RHOA: variants seen among roughly 807,000 people sequenced by gnomAD.
RHOA encodes the protein ras homolog family member A.
Under a neutral mutation model 17.5 loss-of-function variants are expected in RHOA, and 3 were observed. That is an observed-to-expected ratio of 0.17 (90% CI 0.08 to 0.44). RHOA has a LOEUF of 0.44. Ranked by LOEUF, RHOA falls within the 20% of genes least tolerant of loss-of-function variation. The probability of loss-of-function intolerance (pLI) is 0.99; values close to 1 mark genes in which losing one functional copy is unlikely to be tolerated. For missense variants in RHOA, 56 were observed against 242.3 expected (o/e 0.23, Z 5.10); for synonymous variants, 98 against 88.4 (o/e 1.11, Z -0.61).
intron 1 of RHOA, among the ~76,000 whole-genome samples, chr3:49,385,264 A>T (rs2048378333): frequency 7.1e-6 from 1 of 140,348 alleles, no homozygotes; most frequent in African/African-American, 2.7e-5. Flanking sequence ...TCTGTCGCCC[A>T]GGCTGGAGTG....
At position 49,384,084 on chromosome 3, in the gene RHOA, G is replaced by A. The variant is rs1201145946; in HGVS notation, c.-2-8493C>T. ...TATCTGATAAAGAACATTTGGCCCA[G>A]AAAAAGAATAAAATCATTTAGCCAC... On this transcript the variant is annotated intron_variant, in intron 1 of 4. Transcript: ENST00000418115. 2.0e-5 allele frequency among the ~76,000 whole-genome samples: 3 copies of A among 152,044 alleles called. No homozygotes were observed. The East Asian group carries it at 5.8e-4, about 29-fold the overall frequency.
intron 2 of RHOA, 121 bp downstream of exon 2, chr3:49,375,310 ATTC>A: frequency 2.2e-6 from 2 of 889,302 alleles, no homozygotes; most frequent in African/African-American, 1.7e-5. Flanking sequence ...ATGAGAATGG[ATTC>A]TTCTTTCCAA....
At chr3:49,381,739 C>G (rs1012896812) in intron 1 of RHOA, among the ~76,000 whole-genome samples, 1 of 151,306 alleles carries the variant, frequency 6.6e-6, no homozygotes, top group Non-Finnish European at 1.5e-5. Context: ...GTGGTCCGCA[C>G]CTGTAATCTC....
rs1238257769 is a variant in RHOA at position 49,371,106 on chromosome 3, C to A, written c.157-2558G>T. ...GCAAATCCCACTCTCCCGGCCCCCT[C>A]CACCCCACGGTGTTTAGTCATATAT... On this transcript the variant is annotated intron_variant, in intron 2 of 4. Transcript: ENST00000418115. Among the ~76,000 whole-genome samples the A allele has an allele frequency of 3.3e-5, 5 of 152,248 alleles. No homozygotes were observed. In the East Asian group the frequency reaches 9.6e-4, roughly 29 times the overall value.
At chr3:49,360,847 G>A in intron 4 of RHOA, 1 of 241,294 alleles carries the variant, frequency 4.1e-6, no homozygotes, top group Non-Finnish European at 8.6e-6. Flanking sequence ...AGGCTGAGCT[G>A]GGCGGATCAC....
intron 4 of RHOA, among the ~76,000 whole-genome samples, chr3:49,361,877 CAAAAAA>C (rs948441167): frequency 1.4e-5 from 2 of 145,312 alleles, no homozygotes; most frequent in African/African-American, 2.6e-5. Context: ...AACTGTGTCT[CAAAAAA>C]TAAAAATAAA....
At chr3:49,387,559 C>T (rs1228554443) in intron 1 of RHOA, among the ~76,000 whole-genome samples, 12 of 149,376 alleles carry the variant, frequency 8.0e-5, no homozygotes, top group African/African-American at 1.5e-4. Flanking sequence ...CTGGCTAACA[C>T]GGTGAAACCC....
intron 1 of RHOA, among the ~76,000 whole-genome samples, chr3:49,395,141 C>T (rs1441020769): frequency 2.0e-5 from 3 of 151,530 alleles, no homozygotes; most frequent in African/African-American, 7.3e-5. Context: ...GTCCCAGCTA[C>T]TCGGGAGGCT....
At chr3:49,408,154 G>A (rs1232008781) in intron 1 of RHOA, among the ~76,000 whole-genome samples, 2 of 113,186 alleles carry the variant, frequency 1.8e-5, no homozygotes, top group Non-Finnish European at 3.5e-5. Flanking sequence ...GTGAGACTCA[G>A]TCTCAAAAGA....
intron 3 of RHOA, among the ~76,000 whole-genome samples, chr3:49,364,501 A>G (rs146702895): frequency 9.9e-5 from 15 of 151,628 alleles, no homozygotes; most frequent in Non-Finnish European, 1.9e-4. Flanking sequence ...CAACAAAACA[A>G]AACAAAAAAA....
Position 49,411,964 on chromosome 3 carries a change from A to G in RHOA, c.-147T>C, listed in dbSNP as rs1488183218. ...GGAGGACCGCGGGCGGCGGGAGGGT[A>G]GCGCGAGAGAGCGAGGGCGGGCGGC... On this transcript the variant is annotated 5_prime_UTR_variant, in exon 1 of 5. Transcript: ENST00000418115. 6.6e-6 allele frequency: 1 copy of G among 150,808 alleles called. No homozygotes were observed. The highest frequency in any genetic ancestry group is 1.5e-5 in the Non-Finnish European group (1 of 68,872). 9.3% of individuals were successfully genotyped at this position (150,808 alleles called of 1,614,324 possible). A position where few individuals can be genotyped will look rare whatever the true frequency, so the allele number is the denominator to read the frequency against.
intron 1 of RHOA, among the ~76,000 whole-genome samples, chr3:49,394,678 C>T (rs1307590442): frequency 6.6e-6 from 1 of 152,120 alleles, no homozygotes; most frequent in Non-Finnish European, 1.5e-5. Context: ...ATGGGCCATT[C>T]CTTGTTCTAG....
intron 1 of RHOA, among the ~76,000 whole-genome samples, chr3:49,401,630 T>A (rs568644951): frequency 1.2e-4 from 18 of 151,956 alleles, no homozygotes; most frequent in African/African-American, 4.1e-4. Context: ...ACTGACTGCA[T>A]GGGAAATTCC....
intron 3 of RHOA, among the ~76,000 whole-genome samples, chr3:49,363,135 T>C (rs1477920019): frequency 2.0e-5 from 3 of 152,200 alleles, no homozygotes; most frequent in East Asian, 1.9e-4. Flanking sequence ...AGAGTGACTT[T>C]TGGCCGGGAG....
Position 49,359,457 on chromosome 3 carries a change from C to A in RHOA, c.*752G>T. On this transcript the variant is annotated 3_prime_UTR_variant, in exon 5 of 5. Coordinates refer to ENST00000418115, the MANE Select transcript of RHOA (RefSeq NM_001664.4). ...GGCCGAAAAGGGGTAATATGGCCAT[C>A]TTTTATCAGAAAAAGTGACAAAACG... 1 of 190,892 alleles carries A rather than the reference C, an allele frequency of 5.2e-6. No homozygotes were observed. Among genetic ancestry groups the A allele is most frequent in the Non-Finnish European group, 1.1e-5 (1 of 90,914 alleles). 11.8% of individuals were successfully genotyped at this position (190,892 alleles called of 1,614,324 possible).
intron 3 of RHOA, among the ~76,000 whole-genome samples, chr3:49,363,837 CAG>C (rs2048011399): frequency 1.3e-5 from 2 of 152,036 alleles, no homozygotes; most frequent in Admixed American, 1.3e-4. Flanking sequence ...GCCTGGGCAA[CAG>C]AGTGAGACTC....
chr3:49,370,823 T>A (rs1359364492), intron 2 of RHOA, among the ~76,000 whole-genome samples: 2 of 152,138 alleles, frequency 1.3e-5, no homozygotes, highest in African/African-American at 4.8e-5. Context: ...GAGGTCTCCC[T>A]CCAATACTTG....
chr3:49,375,075 A>G (rs533613056), intron 2 of RHOA, among the ~76,000 whole-genome samples: 11 of 152,198 alleles, frequency 7.2e-5, no homozygotes, highest in African/African-American at 2.6e-4. Flanking sequence ...GTTTGAGACC[A>G]GCCTGGTGAA....
At chr3:49,396,594 C>A (rs937072486) in intron 1 of RHOA, among the ~76,000 whole-genome samples, 1 of 152,042 alleles carries the variant, frequency 6.6e-6, no homozygotes, top group African/African-American at 2.4e-5. Context: ...GTAATCCCAG[C>A]TACTCGGGAG....
Sources: allele counts gnomAD v4.1 joint callset (sites outside exome capture counted in the v4.1 genomes callset), GRCh38; gene constraint gnomAD v4.1.1; transcripts MANE v1.5; gene names NCBI Gene and HGNC (gene_info 2026-07-23, HGNC 2026-07-21).